TENM3: variants seen among roughly 807,000 people sequenced by gnomAD.
TENM3 encodes the protein teneurin-3.
A neutral mutation model predicts 255.1 loss-of-function variants in TENM3; 63 were observed. The observed-to-expected ratio is 0.25, with a 90% CI of 0.20 to 0.30. The LOEUF (loss-of-function observed/expected upper bound fraction) is 0.30, where lower values mean the gene tolerates loss of function less well. TENM3 is among the 10% of genes least tolerant of loss of function. TENM3 has a pLI of 1.00. For missense variants in TENM3, 2,929 were observed against 3,461.1 expected (o/e 0.85, Z 3.86); for synonymous variants, 1,306 against 1,322.3 (o/e 0.99, Z 0.27).
At chr4:182,780,713 G>A (rs1002355995) in intron 24 of TENM3, among the ~76,000 whole-genome samples, 2 of 151,340 alleles carry the variant, frequency 1.3e-5, no homozygotes, top group African/African-American at 4.9e-5. Context: ...CCATTTGTTT[G>A]TATCCTCTTT....
At chr4:182,334,865 G>A (rs1763998566) in intron 2 of TENM3, among the ~76,000 whole-genome samples, 2 of 152,132 alleles carry the variant, frequency 1.3e-5, no homozygotes, top group Non-Finnish European at 2.9e-5. Context: ...ACTAAGATAG[G>A]AATGACTTGA....
intron 22 of TENM3, among the ~76,000 whole-genome samples, chr4:182,763,295 G>A (rs550881336): frequency 2.2e-4 from 33 of 152,314 alleles, no homozygotes; most frequent in African/African-American, 7.9e-4. Flanking sequence ...GGGCGCGGTG[G>A]CTCACACCTG....
At chr4:182,552,841 T>G (rs1421820982) in intron 3 of TENM3, among the ~76,000 whole-genome samples, 1 of 152,188 alleles carries the variant, frequency 6.6e-6, no homozygotes, top group African/African-American at 2.4e-5. Context: ...AAGGGTATTT[T>G]TAAGTTACAT....
intron 3 of TENM3, among the ~76,000 whole-genome samples, chr4:182,428,688 A>G (rs1168538765): frequency 1.3e-5 from 2 of 152,084 alleles, no homozygotes; most frequent in Non-Finnish European, 2.9e-5. Flanking sequence ...TCTTAACCAT[A>G]AATGTATATA....
chr4:182,640,568 CT>C (rs748463850), intron 5 of TENM3, among the ~76,000 whole-genome samples: 10 of 151,900 alleles, frequency 6.6e-5, no homozygotes, highest in Non-Finnish European at 1.3e-4. Context: ...CCTTTTTTTA[CT>C]TCTTCAAATA....
At chr4:181,571,873 G>A in the TENM3 span, among the ~76,000 whole-genome samples, 1 of 151,804 alleles carries the variant, frequency 6.6e-6, no homozygotes, top group Non-Finnish European at 1.5e-5. Flanking sequence ...GCAGTTTCTT[G>A]GTATATCTAT....
chr4:182,021,150 G>C, the TENM3 span, among the ~76,000 whole-genome samples: 3 of 152,118 alleles, frequency 2.0e-5, no homozygotes. Context: ...CCACTTATGA[G>C]AACATGCTGT....
chr4:182,458,660 C>A lies in TENM3; in HGVS notation c.511+111731C>A, dbSNP rs1313541576. On this transcript the variant is annotated intron_variant, in intron 3 of 27. Coordinates refer to ENST00000511685, the MANE Select transcript of TENM3 (RefSeq NM_001080477.4). ...AAGTGGTAATAAAACATAATGTGAA[C>A]AAATAAAATAGATACTAAATGTTTA... Among the ~76,000 whole-genome samples, 3 of 152,050 alleles carry A rather than the reference C, an allele frequency of 2.0e-5. No individual in the cohort carries two copies. In the East Asian group the frequency reaches 5.8e-4, roughly 29 times the overall value.
chr4:182,526,172 G>A (rs1295662913), intron 3 of TENM3, among the ~76,000 whole-genome samples: 1 of 151,836 alleles, frequency 6.6e-6, no homozygotes, highest in African/African-American at 2.4e-5. Context: ...AGTAGAGACG[G>A]GGTTTCACAG....
chr4:182,104,890 G>A, the TENM3 span, among the ~76,000 whole-genome samples: 5 of 152,126 alleles, frequency 3.3e-5, no homozygotes, highest in South Asian at 1.0e-3. Context: ...TGAAAACAGT[G>A]GGATTCAGCT....
Position 182,648,074 on chromosome 4 carries a change from CCTT to C in TENM3, c.989-5691_989-5689del, listed in dbSNP as rs1307905522. 3.9e-5 allele frequency among the ~76,000 whole-genome samples: 6 copies of C among 152,134 alleles called. No homozygotes were observed. In the East Asian group the frequency reaches 9.7e-4, roughly 25 times the overall value. ...CCTCCCACCTGGTGGAGTCATGTGC[CCTT>C]CTTCTGTACTGTCTTCACTCTGCAT... On this transcript the variant is annotated intron_variant, in intron 5 of 27. Coordinates refer to ENST00000511685, the MANE Select transcript of TENM3 (RefSeq NM_001080477.4).
At chr4:182,705,400 T>C (rs1758197347) in intron 12 of TENM3, among the ~76,000 whole-genome samples, 1 of 152,208 alleles carries the variant, frequency 6.6e-6, no homozygotes, top group African/African-American at 2.4e-5. Flanking sequence ...TGTACGTATC[T>C]GATGTCTACA....
chr4:181,858,000 C>A, the TENM3 span, among the ~76,000 whole-genome samples: 1 of 152,178 alleles, frequency 6.6e-6, no homozygotes, highest in African/African-American at 2.4e-5. Flanking sequence ...CTGGACCCAG[C>A]GATCCTGAAC....
At chr4:181,585,003 C>CA in the TENM3 span, among the ~76,000 whole-genome samples, 58,605 of 134,704 alleles carry the variant, frequency 0.44, 13,919 homozygotes, top group African/African-American at 0.63. Context: ...TATCCAGTGG[C>CA]AAAAAAAAAA....
chr4:181,455,081 C>G, the TENM3 span, among the ~76,000 whole-genome samples: 1 of 151,934 alleles, frequency 6.6e-6, no homozygotes, highest in Non-Finnish European at 1.5e-5. Flanking sequence ...GAAAGAGAAC[C>G]GGGATCAGAG....
chr4:182,154,873 A>G lies in TENM3; in HGVS notation c.-76+10119A>G, dbSNP rs186122897. On this transcript the variant is annotated intron_variant, in intron 1 of 2. Coordinates refer to the TENM3 transcript ENST00000512480. ...AGCTTGCTTTGGTCATGGATTTTAA[A>G]AAAGAAAATGAAAGGACATTATATT... Among the ~76,000 whole-genome samples the G allele has an allele frequency of 8.5e-5, 13 of 152,352 alleles. 1 individual carries two copies. Among genetic ancestry groups the G allele is most frequent in the South Asian group, 4.1e-4 (2 of 4,830 alleles).
At chr4:181,581,385 G>T in the TENM3 span, among the ~76,000 whole-genome samples, 1 of 152,086 alleles carries the variant, frequency 6.6e-6, no homozygotes, top group Non-Finnish European at 1.5e-5. Context: ...AGCTTGCAGT[G>T]AGCCGAGATA....
At chr4:182,453,147 CT>C (rs1307307897) in intron 3 of TENM3, among the ~76,000 whole-genome samples, 2 of 152,108 alleles carry the variant, frequency 1.3e-5, no homozygotes. Flanking sequence ...AGACCCAGCT[CT>C]TCAGTTGAAA....
chr4:181,492,695 T>C, the TENM3 span, among the ~76,000 whole-genome samples: 3 of 152,188 alleles, frequency 2.0e-5, no homozygotes, highest in African/African-American at 7.2e-5. Flanking sequence ...TAAACTGTGT[T>C]GCAAAATACA....
Sources: gnomAD v4.1 joint callset for allele counts (sites outside exome capture counted in the v4.1 genomes callset) on GRCh38, gnomAD v4.1.1 for gene constraint, MANE v1.5 for transcripts, NCBI Gene and HGNC (gene_info 2026-07-23, HGNC 2026-07-21) for gene names.